The following WHRN variants were observed in gnomAD, a reference collection of about 807,000 sequenced individuals.
WHRN encodes the protein whirlin.
In WHRN, 41 loss-of-function variants were observed where a neutral mutation model predicts 68.3. That is an observed-to-expected ratio of 0.60 (90% CI 0.47 to 0.78). WHRN has a LOEUF of 0.78. Ranked by LOEUF, WHRN falls within the 30% of genes least tolerant of loss-of-function variation. The pLI, the probability that WHRN is intolerant of heterozygous loss-of-function variation, is 0.00. For synonymous variants in WHRN, 560 were observed against 561.3 expected, an observed-to-expected ratio of 1.00 and a Z score of 0.03; for missense variants, 1,243 against 1,244.7, an observed-to-expected ratio of 1.00 and a Z score of 0.02.
intron 2 of WHRN, among the ~76,000 whole-genome samples, chr9:114,472,700 T>C (rs967877829): frequency 6.6e-6 from 1 of 152,166 alleles, no homozygotes; most frequent in Non-Finnish European, 1.5e-5. Flanking sequence ...GTATCCCCAG[T>C]ACACACAGCA....
chr9:114,406,738 C>T lies in WHRN; in HGVS notation c.1853G>A (p.Gly618Asp), dbSNP rs200812302. The T allele has an allele frequency of 2.6e-5, 42 of 1,613,958 alleles. No individual in the cohort carries two copies. Among genetic ancestry groups the T allele is most frequent in the Non-Finnish European group, 3.5e-5 (41 of 1,180,022 alleles). The change falls in exon 9 of 12, where the codon GGC becomes GAC. Residue 618 changes from glycine to aspartate, a missense_variant. Coordinates refer to ENST00000362057, the MANE Select transcript of WHRN (RefSeq NM_015404.4). ...GTTCTGTGGAGCCGAGAAGACAGTG[C>T]CCGAGCAGGAAGGCATGGAGGAAGG... ...QPPSSMPSCS[G>D]TVFSAPQNRS...
intron 9 of WHRN, among the ~76,000 whole-genome samples, chr9:114,404,928 C>G (rs79810182): frequency 0.02 from 2,991 of 152,058 alleles, 87 homozygotes; most frequent in African/African-American, 0.069. Flanking sequence ...CATAGTGAAG[C>G]AGCGTGGGTT....
intron 3 of WHRN, among the ~76,000 whole-genome samples, chr9:114,458,159 G>C (rs1023113772): frequency 1.3e-5 from 2 of 152,150 alleles, no homozygotes; most frequent in Non-Finnish European, 2.9e-5. Flanking sequence ...ACCGGGATGT[G>C]ACAGCTGCCA....
intron 1 of WHRN, among the ~76,000 whole-genome samples, chr9:114,484,416 GTTC>G (rs1230897776): frequency 2.6e-5 from 4 of 152,208 alleles, no homozygotes; most frequent in African/African-American, 9.7e-5. Flanking sequence ...AAACCTCTCT[GTTC>G]TTCTGTTTTC....
intron 1 of WHRN, chr9:114,491,713 G>A: frequency 3.8e-6 from 1 of 260,630 alleles, no homozygotes. Flanking sequence ...GGAGAAAAAG[G>A]CAAACGAGAA....
chr9:114,461,898 G>A (rs1211056879), intron 3 of WHRN, among the ~76,000 whole-genome samples: 1 of 152,120 alleles, frequency 6.6e-6, no homozygotes, highest in East Asian at 1.9e-4. Flanking sequence ...ATAAGCTGAG[G>A]AGGTCAGAGA....
intron 3 of WHRN, among the ~76,000 whole-genome samples, chr9:114,452,126 T>C (rs542930599): frequency 2.0e-5 from 3 of 152,320 alleles, no homozygotes; most frequent in African/African-American, 7.2e-5. Context: ...AGGTAAAGAA[T>C]AAAAATTAAA....
intron 6 of WHRN, 37 bp from the exon 7 acceptor site, chr9:114,423,560 C>T (rs761376583): frequency 2.0e-5 from 31 of 1,577,114 alleles, no homozygotes; most frequent in South Asian, 5.8e-5. Context: ...CAGCAGGGAG[C>T]GCTACTAGAA....
At chr9:114,453,371 C>T (rs1839503361) in intron 3 of WHRN, among the ~76,000 whole-genome samples, 1 of 152,296 alleles carries the variant, frequency 6.6e-6, no homozygotes, top group South Asian at 2.1e-4. Context: ...CCAAACACCT[C>T]CCAGTAGGCC....
intron 3 of WHRN, among the ~76,000 whole-genome samples, chr9:114,459,259 A>ACC (rs747864825): frequency 3.3e-5 from 5 of 151,776 alleles, no homozygotes; most frequent in Non-Finnish European, 5.9e-5. Context: ...GGAGTTTGAG[A>ACC]CCAGCCTGGC....
rs1487256084 is a variant in WHRN at position 114,505,424 on chromosome 9, C to G, written c.-623G>C. ...GGAGCCTCCGCGCCTCTGCGCCGCCCGGCCGCAAGCCCGGACTTTGCGAAC... is the reference window on the plus strand; with the variant it reads ...GGAGCCTCCGCGCCTCTGCGCCGCCGGGCCGCAAGCCCGGACTTTGCGAAC... On this transcript the variant is annotated 5_prime_UTR_variant, in exon 1 of 12. Coordinates refer to ENST00000362057, the MANE Select transcript of WHRN (RefSeq NM_015404.4). 6.6e-6 allele frequency: 1 copy of G among 152,282 alleles called. No individual in the cohort carries two copies. The highest frequency in any genetic ancestry group is 1.5e-5 in the Non-Finnish European group (1 of 68,104). The allele number at this position is 152,282 out of a possible 1,614,324, so 9.4% of individuals were successfully genotyped here.
intron 3 of WHRN, among the ~76,000 whole-genome samples, chr9:114,440,205 A>C (rs2132574868): frequency 1.3e-5 from 2 of 151,544 alleles, no homozygotes; most frequent in African/African-American, 4.8e-5. Flanking sequence ...GAGCCACTGC[A>C]CCCAGCCACA....
intron 1 of WHRN, among the ~76,000 whole-genome samples, chr9:114,490,479 A>G (rs1842887376): frequency 6.6e-6 from 1 of 152,192 alleles, no homozygotes; most frequent in African/African-American, 2.4e-5. Flanking sequence ...CAACGGCTGG[A>G]TAGGAGAGTA....
intron 3 of WHRN, among the ~76,000 whole-genome samples, chr9:114,435,042 A>G (rs1837730576): frequency 6.6e-6 from 1 of 152,148 alleles, no homozygotes; most frequent in East Asian, 1.9e-4. Context: ...CCTCACCTGG[A>G]TAACACCTAC....
chr9:114,479,011 G>A (rs926295523), intron 1 of WHRN, among the ~76,000 whole-genome samples: 4 of 152,184 alleles, frequency 2.6e-5, no homozygotes, highest in South Asian at 4.1e-4. Flanking sequence ...ATACCTCTGC[G>A]GAGGAGTTTG....
At chr9:114,496,719 T>C (rs1441886407) in intron 1 of WHRN, among the ~76,000 whole-genome samples, 2 of 152,144 alleles carry the variant, frequency 1.3e-5, no homozygotes, top group Non-Finnish European at 2.9e-5. Flanking sequence ...CCAGGTTTGG[T>C]GGTAGGATAT....
intron 9 of WHRN, among the ~76,000 whole-genome samples, 196 bp downstream of exon 9, chr9:114,406,159 C>T (rs1016622586): frequency 1.3e-5 from 2 of 152,212 alleles, no homozygotes; most frequent in African/African-American, 2.4e-5. Flanking sequence ...GTGTAGACGG[C>T]AGCTTGTCCA....
intron 3 of WHRN, among the ~76,000 whole-genome samples, chr9:114,456,742 T>C (rs945943446): frequency 1.3e-5 from 2 of 151,500 alleles, no homozygotes; most frequent in Non-Finnish European, 2.9e-5. Flanking sequence ...GGCAGGAGAA[T>C]CGCTTGAACC....
intron 3 of WHRN, among the ~76,000 whole-genome samples, chr9:114,440,775 C>A (rs1050286100): frequency 6.6e-6 from 1 of 152,188 alleles, no homozygotes; most frequent in African/African-American, 2.4e-5. Context: ...GTGTGCCGCT[C>A]ATCATCTCTG....
Sources: gnomAD v4.1 joint callset for allele counts (sites outside exome capture counted in the v4.1 genomes callset) on GRCh38, gnomAD v4.1.1 for gene constraint, MANE v1.5 for transcripts, NCBI Gene and HGNC (gene_info 2026-07-23, HGNC 2026-07-21) for gene names.